Variants in LRPPRC observed in about 807,000 individuals in gnomAD.
The protein encoded by LRPPRC is leucine rich pentatricopeptide repeat containing, also known as leucine-rich PPR motif-containing protein, mitochondrial.
In LRPPRC, 120 loss-of-function variants were observed where a neutral mutation model predicts 180.3. That is an observed-to-expected ratio of 0.67 (90% confidence interval 0.57 to 0.77). The LOEUF (loss-of-function observed/expected upper bound fraction) is 0.77. Among genes scored for constraint, LRPPRC ranks in the 30% least tolerant of loss-of-function variants. LRPPRC has a pLI of 0.00. For missense variants in LRPPRC, 2,012 were observed against 1,657.2 expected (o/e 1.21, Z -3.72); for synonymous variants, 723 against 600.0 (o/e 1.21, Z -3.00).
chr2:43,897,740 C>T (rs537716931), intron 34 of LRPPRC, among the ~76,000 whole-genome samples: 7 of 151,926 alleles, frequency 4.6e-5, no homozygotes, highest in South Asian at 2.1e-4. Context: ...AGGGAGCAGG[C>T]GCCATCCCTG....
At chr2:43,944,108 T>C (rs945803378) in intron 22 of LRPPRC, among the ~76,000 whole-genome samples, 1 of 152,058 alleles carries the variant, frequency 6.6e-6, no homozygotes. Flanking sequence ...CTACAAATTA[T>C]AGATAGGGAC....
At chr2:43,995,374 C>G (rs566631625) in intron 1 of LRPPRC, among the ~76,000 whole-genome samples, 28 of 152,324 alleles carry the variant, frequency 1.8e-4, no homozygotes, top group Non-Finnish European at 2.4e-4. Context: ...TCGCAAAAAG[C>G]TAAATTTCCA....
At chr2:43,974,885 A>G (rs1559042819) in intron 7 of LRPPRC, 127 bp from the exon 8 acceptor site, 2 of 1,029,628 alleles carry the variant, frequency 1.9e-6, no homozygotes, top group Non-Finnish European at 2.9e-6. Context: ...GACTTCTTTT[A>G]AAAAACAGGA....
intron 1 of LRPPRC, among the ~76,000 whole-genome samples, chr2:43,994,005 CGA>C (rs1674905516): frequency 6.6e-6 from 1 of 151,942 alleles, no homozygotes; most frequent in Non-Finnish European, 1.5e-5. Context: ...TGATGAACAC[CGA>C]GACCACCCTT....
Position 43,934,321 on chromosome 2 carries a change from T to A in LRPPRC, c.2630-25A>T, listed in dbSNP as rs372531010. ...GCTAGGTAGGAGAGAAAAAAATATA[T>A]ATATTAGGAGAAAAAAAAACCCAGA... On this transcript the variant is annotated intron_variant, in intron 24 of 37. Transcript: ENST00000260665. The A allele has an allele frequency of 1.1e-5, 12 of 1,132,240 alleles. No individual in the cohort carries two copies. The African/African-American group carries it at 1.7e-4, about 16-fold the overall frequency. The allele number at this position is 1,132,240 out of a possible 1,614,324, so 70.1% of individuals were successfully genotyped here. A position where few individuals can be genotyped will look rare whatever the true frequency, so the allele number is the denominator to read the frequency against.
intron 22 of LRPPRC, 146 bp downstream of exon 22, chr2:43,945,186 T>C (rs563282990): frequency 6.1e-6 from 4 of 656,214 alleles, no homozygotes; most frequent in Admixed American, 2.1e-5. Flanking sequence ...ACACTGTCCA[T>C]GTAGCTCTGG....
At chr2:43,970,105 T>C (rs1673737745) in intron 11 of LRPPRC, among the ~76,000 whole-genome samples, 1 of 152,202 alleles carries the variant, frequency 6.6e-6, no homozygotes, top group Non-Finnish European at 1.5e-5. Flanking sequence ...GGCCACCAAA[T>C]TGACTGCAGC....
At chr2:43,963,491 G>C (rs1673434005) in intron 12 of LRPPRC, 97 bp downstream of exon 12, 3 of 823,082 alleles carry the variant, frequency 3.6e-6, no homozygotes, top group Non-Finnish European at 4.3e-6. Context: ...ACCATTTTGA[G>C]TCCTCAGTTC....
At chr2:43,911,000 C>G (rs1399800709) in intron 30 of LRPPRC, among the ~76,000 whole-genome samples, 2 of 151,872 alleles carry the variant, frequency 1.3e-5, no homozygotes, top group Non-Finnish European at 2.9e-5. Flanking sequence ...TTCATTATCA[C>G]AGAGAGGGTT....
intron 11 of LRPPRC, among the ~76,000 whole-genome samples, chr2:43,965,664 T>C (rs1327826705): frequency 6.6e-6 from 1 of 152,068 alleles, no homozygotes; most frequent in Non-Finnish European, 1.5e-5. Flanking sequence ...CAAATTTCAA[T>C]AGCAAAAAAA....
Position 43,988,060 on chromosome 2 carries a change from TG to T in LRPPRC, c.150-5627del, listed in dbSNP as rs200155412. ...GTTCGAGACCAGCCCGGCCAACATG[TG>T]AAACCCCATCTCTACTAAAAATACA... On this transcript the variant is annotated intron_variant, in intron 1 of 37. Coordinates refer to ENST00000260665, the MANE Select transcript of LRPPRC (RefSeq NM_133259.4). Among the ~76,000 whole-genome samples the T allele has an allele frequency of 3.8e-3, 575 of 151,844 alleles. 7 individuals are homozygous for T. Among genetic ancestry groups the T allele is most frequent in the African/African-American group, 0.013 (539 of 41,344 alleles).
rs1434573173 is a variant in LRPPRC at position 43,888,019 on chromosome 2, C to G, written c.*581G>C. On this transcript the variant is annotated 3_prime_UTR_variant, in exon 38 of 38. Coordinates refer to ENST00000260665, the MANE Select transcript of LRPPRC (RefSeq NM_133259.4). Reference sequence around the variant, plus strand: ...AAAGATGGGGAAGTGTGCCGAAGAGCCTCCAGGCATGACAGACAGTCCCCT... The same window carrying G: ...AAAGATGGGGAAGTGTGCCGAAGAGGCTCCAGGCATGACAGACAGTCCCCT... The G allele has an allele frequency of 6.5e-6, 1 of 153,882 alleles. No individual in the cohort carries two copies. Among genetic ancestry groups the G allele is most frequent in the Non-Finnish European group, 1.4e-5 (1 of 69,328 alleles). The allele number at this position is 153,882 out of a possible 1,614,324, so 9.5% of individuals were successfully genotyped here. A position where few individuals can be genotyped will look rare whatever the true frequency, so the allele number is the denominator to read the frequency against.
In LRPPRC at chr2:43,973,767, C is replaced by T. The variant is rs748062389; in HGVS notation, c.1261+28G>A. The T allele has an allele frequency of 3.7e-6, 6 of 1,603,440 alleles. No homozygotes were observed. In the Admixed American group the frequency reaches 5.0e-5, roughly 13 times the overall value. On this transcript the variant is annotated intron_variant, in intron 10 of 37. Coordinates refer to ENST00000260665, the MANE Select transcript of LRPPRC (RefSeq NM_133259.4). ...AAGCTACCTCAGCAAAACTTCCTTACTTGGCTTTAACTTTAAGAATGTAGT... is the reference window on the plus strand; with the variant it reads ...AAGCTACCTCAGCAAAACTTCCTTATTTGGCTTTAACTTTAAGAATGTAGT...
intron 2 of LRPPRC, among the ~76,000 whole-genome samples, chr2:43,980,584 A>AAGAG (rs5830779): frequency 2.3e-5 from 3 of 132,764 alleles, no homozygotes; most frequent in Non-Finnish European, 4.7e-5. Flanking sequence ...GAAAGAAAGA[A>AAGAG]AGAGAGAGAG....
intron 31 of LRPPRC, chr2:43,903,870 GGCGA>G (rs1462332549): frequency 1.6e-4 from 24 of 152,138 alleles, no homozygotes; most frequent in Non-Finnish European, 2.4e-4. Flanking sequence ...TTATTTATAT[GGCGA>G]GCAAGTTTAA....
chr2:43,993,438 G>C (rs952202510), intron 1 of LRPPRC, among the ~76,000 whole-genome samples: 1 of 152,170 alleles, frequency 6.6e-6, no homozygotes, highest in African/African-American at 2.4e-5. Context: ...GCCTTTGACA[G>C]CGGTGTGACT....
chr2:43,928,394 T>A (rs946043772), intron 25 of LRPPRC, among the ~76,000 whole-genome samples: 1 of 152,202 alleles, frequency 6.6e-6, no homozygotes, highest in African/African-American at 2.4e-5. Flanking sequence ...TCTACTGCAT[T>A]TCAAACTCTG....
At chr2:43,962,875 G>C (rs1010240494) in intron 12 of LRPPRC, among the ~76,000 whole-genome samples, 3 of 152,194 alleles carry the variant, frequency 2.0e-5, no homozygotes, top group African/African-American at 7.2e-5. Context: ...AGGAGGCTAA[G>C]ACAGGAGGAT....
rs1287057365 is a variant in LRPPRC, at chr2:43,887,594, A to T, written c.*1006T>A. Reference sequence around the variant, plus strand: ...TGGGGAGAGTTCTCAAAACATTTTCAACATTTCGGTAATTAATTACCTCAT... The same window carrying T: ...TGGGGAGAGTTCTCAAAACATTTTCTACATTTCGGTAATTAATTACCTCAT... On this transcript the variant is annotated 3_prime_UTR_variant, in exon 38 of 38. Transcript: ENST00000260665. 6.6e-6 allele frequency: 1 copy of T among 152,232 alleles called. No individual in the cohort carries two copies. Among genetic ancestry groups the T allele is most frequent in the Non-Finnish European group, 1.5e-5 (1 of 68,036 alleles). 9.4% of individuals were successfully genotyped at this position (152,232 alleles called of 1,614,324 possible).
Sources: gnomAD v4.1 joint callset for allele counts (sites outside exome capture counted in the v4.1 genomes callset) on GRCh38, gnomAD v4.1.1 for gene constraint, MANE v1.5 for transcripts, NCBI Gene and HGNC (gene_info 2026-07-23, HGNC 2026-07-21) for gene names.